The following CNOT4 variants were observed in gnomAD, a reference collection of about 807,000 sequenced individuals.
CNOT4 encodes CCR4-associated factor 4.
Under a neutral mutation model 73.8 loss-of-function variants are expected in CNOT4, and 8 were observed. The ratio of observed to expected loss-of-function variants is 0.11; its 90% CI spans 0.06 to 0.20. CNOT4 has a LOEUF of 0.20. Among genes scored for constraint, CNOT4 ranks in the 10% least tolerant of loss-of-function variants. The probability of loss-of-function intolerance (pLI) is 1.00; values close to 1 mark genes in which losing one functional copy is unlikely to be tolerated. For synonymous variants in CNOT4, 293 were observed against 321.1 expected (o/e 0.91, Z 0.94); for missense variants, 564 against 883.4 (o/e 0.64, Z 4.58).
At chr7:135,487,134 CTA>C (rs1202763118) in intron 1 of CNOT4, among the ~76,000 whole-genome samples, 3 of 151,514 alleles carry the variant, frequency 2.0e-5, no homozygotes, top group Non-Finnish European at 4.4e-5. Context: ...TTTATAAAAC[CTA>C]TGTTTTCTCA....
At chr7:135,452,909 C>T (rs1209131491) in intron 1 of CNOT4, among the ~76,000 whole-genome samples, 2 of 152,114 alleles carry the variant, frequency 1.3e-5, no homozygotes, top group Non-Finnish European at 2.9e-5. Context: ...TGCACAAAAT[C>T]GAAGCTGAGA....
At position 135,364,558 on chromosome 7, in the gene CNOT4, C is replaced by G. The variant is rs373140091; in HGVS notation, c.1628-492G>C. Among the ~76,000 whole-genome samples the G allele has an allele frequency of 6.6e-6, 1 of 152,192 alleles. No homozygotes were observed. The highest frequency in any genetic ancestry group is 6.5e-5 in the Admixed American group (1 of 15,282). On this transcript the variant is annotated intron_variant, in intron 10 of 11. Coordinates refer to ENST00000541284, the MANE Select transcript of CNOT4 (RefSeq NM_001190850.2). This position sits in a 1 kb window ranked among gnomAD's most constrained non-coding sequence, Gnocchi z 4.3. ...ATAGAAAAAGAAAAATAATTAAGTC[C>G]TTCTTCATTATAAAACTGGCAATGT...
chr7:135,424,040 AACACACACACACACAC>A (rs3138785), intron 2 of CNOT4, among the ~76,000 whole-genome samples: 9,158 of 144,256 alleles, frequency 0.063, 376 homozygotes, highest in East Asian at 0.23. Flanking sequence ...AAACAAACAA[AACACACACACACACAC>A]ACACACACAC....
chr7:135,499,828 T>C (rs1803845512), intron 1 of CNOT4, among the ~76,000 whole-genome samples: 1 of 152,082 alleles, frequency 6.6e-6, no homozygotes, highest in African/African-American at 2.4e-5. Context: ...ATATCTCAAC[T>C]CAAATCTCAA....
intron 1 of CNOT4, among the ~76,000 whole-genome samples, chr7:135,487,325 T>G (rs1050550502): frequency 1.3e-5 from 2 of 151,972 alleles, no homozygotes; most frequent in African/African-American, 4.8e-5. Flanking sequence ...GCAGCCTTGA[T>G]CTCCCAGACT....
intron 1 of CNOT4, among the ~76,000 whole-genome samples, chr7:135,489,330 G>T (rs1802946652): frequency 6.7e-6 from 1 of 149,880 alleles, no homozygotes; most frequent in South Asian, 2.1e-4. Flanking sequence ...TGTTACTAAG[G>T]ATTCTAACTC....
chr7:135,423,572 G>A (rs1489390395), intron 2 of CNOT4, among the ~76,000 whole-genome samples: 1 of 151,642 alleles, frequency 6.6e-6, no homozygotes, highest in Non-Finnish European at 1.5e-5. Flanking sequence ...ACTTTTACTA[G>A]TATATACCCT....
At chr7:135,443,032 C>T (rs1163749437) in intron 1 of CNOT4, among the ~76,000 whole-genome samples, 2 of 151,860 alleles carry the variant, frequency 1.3e-5, no homozygotes, top group African/African-American at 4.8e-5. Context: ...GTACTCTAGC[C>T]TGGGTGATAG....
intron 1 of CNOT4, among the ~76,000 whole-genome samples, chr7:135,470,326 G>A (rs945431989): frequency 8.6e-5 from 13 of 150,660 alleles, no homozygotes; most frequent in East Asian, 3.9e-4. Context: ...GAGATGAAGC[G>A]TCACTGTATT....
chr7:135,415,910 C>A (rs1331543345), intron 3 of CNOT4, among the ~76,000 whole-genome samples: 1 of 152,034 alleles, frequency 6.6e-6, no homozygotes, highest in Non-Finnish European at 1.5e-5. Context: ...AACAAATTTA[C>A]ACGTTTCTTT....
At chr7:135,367,407 T>G (rs2129482443) in intron 10 of CNOT4, among the ~76,000 whole-genome samples, 1 of 152,314 alleles carries the variant, frequency 6.6e-6, no homozygotes. Context: ...GTAGATAGGT[T>G]GTATAAGGCA....
chr7:135,460,572 G>T (rs754734472), intron 1 of CNOT4, among the ~76,000 whole-genome samples: 1 of 151,974 alleles, frequency 6.6e-6, no homozygotes, highest in Non-Finnish European at 1.5e-5. Context: ...GCAGTTCCCG[G>T]CATCTCAAAA....
At chr7:135,424,297 G>T (rs1798370377) in intron 2 of CNOT4, among the ~76,000 whole-genome samples, 1 of 151,906 alleles carries the variant, frequency 6.6e-6, no homozygotes, top group African/African-American at 2.4e-5. Context: ...TAATCTATCT[G>T]CCTGGATGAT....
intron 3 of CNOT4, among the ~76,000 whole-genome samples, chr7:135,417,508 G>A (rs145637447): frequency 1.8e-3 from 279 of 152,242 alleles, no homozygotes; most frequent in African/African-American, 6.4e-3. Flanking sequence ...ACACTGAGTC[G>A]GATAAGGTTG....
intron 1 of CNOT4, among the ~76,000 whole-genome samples, chr7:135,445,993 C>T (rs1195944090): frequency 1.3e-5 from 2 of 152,160 alleles, no homozygotes; most frequent in African/African-American, 4.8e-5. Context: ...CAAATCCTCC[C>T]ACCTCAGCCA....
chr7:135,486,754 A>G (rs892002485), intron 1 of CNOT4, among the ~76,000 whole-genome samples: 10 of 152,304 alleles, frequency 6.6e-5, no homozygotes, highest in African/African-American at 2.2e-4. Flanking sequence ...AACACAGATG[A>G]ACTCAGAAAT....
chr7:135,434,198 C>G (rs1563048252), intron 2 of CNOT4, among the ~76,000 whole-genome samples: 2 of 152,208 alleles, frequency 1.3e-5, no homozygotes, highest in African/African-American at 4.8e-5. Context: ...AGGCCTCTAG[C>G]AACATTGTGG....
intron 1 of CNOT4, among the ~76,000 whole-genome samples, chr7:135,480,229 A>AT (rs1169314790): frequency 6.6e-6 from 1 of 152,152 alleles, no homozygotes; most frequent in Non-Finnish European, 1.5e-5. Flanking sequence ...TAGGGTTTTG[A>AT]TTTCTTGTCA....
chr7:135,415,357 G>A (rs1182920690), intron 3 of CNOT4, 95 bp from the exon 4 acceptor site: 54 of 609,188 alleles, frequency 8.9e-5, no homozygotes, highest in Non-Finnish European at 1.1e-5. Flanking sequence ...TCAGCAAAAG[G>A]AAAAAGATAA....
Sources: gnomAD v4.1 joint callset for allele counts (sites outside exome capture counted in the v4.1 genomes callset) on GRCh38, gnomAD v4.1.1 for gene constraint, Gnocchi (gnomAD v3.1) non-coding constraint, MANE v1.5 for transcripts, NCBI Gene and HGNC (gene_info 2026-07-23, HGNC 2026-07-21) for gene names.